SRRT: variants seen among roughly 807,000 people sequenced by gnomAD.
SRRT encodes the protein serrate, RNA effector molecule.
A neutral mutation model predicts 103.2 loss-of-function variants in SRRT; 32 were observed. The ratio of observed to expected loss-of-function variants is 0.31; its 90% CI spans 0.23 to 0.42. SRRT has a LOEUF of 0.42. Ranked by LOEUF, SRRT falls within the 10% of genes least tolerant of loss-of-function variation. SRRT has a pLI of 1.00. For missense variants in SRRT, 986 were observed against 1,207.5 expected (o/e 0.82, Z 2.72); for synonymous variants, 525 against 449.0 (o/e 1.17, Z -2.14).
intron 2 of SRRT, chr7:100,880,702 G>A (rs981833599): frequency 2.1e-5 from 9 of 432,552 alleles, no homozygotes; most frequent in Non-Finnish European, 4.2e-5. Flanking sequence ...TTAGAGACAG[G>A]GTCTCCCTCT....
At chr7:100,880,305 T>C (rs1277793156) in intron 2 of SRRT, among the ~76,000 whole-genome samples, 2 of 152,084 alleles carry the variant, frequency 1.3e-5, no homozygotes, top group Non-Finnish European at 2.9e-5. Flanking sequence ...GATTCTTTTT[T>C]CTTTTTTTGG....
chr7:100,888,325 C>T lies in SRRT; in HGVS notation c.2497C>T (p.Arg833Ter), dbSNP rs1343448557. 4.3e-6 allele frequency: 7 copies of T among 1,614,064 alleles called. No individual in the cohort carries two copies. Among genetic ancestry groups the T allele is most frequent in the East Asian group, 2.2e-5 (1 of 44,886 alleles). Residue 833 changes from arginine to a stop codon, truncating the protein, a stop_gained, in exon 19 of 20, where the codon CGA becomes TGA. Transcript: ENST00000611405. LOFTEE classifies it high-confidence loss of function. ...CCCCCATGCCCCGTATGGTGCTGGT[C>T]GAGGGAACTATGATGCCTTCCGAGG... ...PYPHAPYGAG[R>*]GNYDAFRGQG...
rs543183889 is a variant in SRRT, at chr7:100,888,227, T to C, written c.2429-30T>C. 3 of 1,601,534 alleles carry C rather than the reference T, an allele frequency of 1.9e-6. No homozygotes were observed. The East Asian group carries it at 6.7e-5, about 36-fold the overall frequency. On this transcript the variant is annotated intron_variant, in intron 18 of 19. Transcript: ENST00000611405. ...CAGAGGATGGAATTGAGGACATAGTTTTGCAACTCAACACTGATCTCTGTC... is the reference window on the plus strand; with the variant it reads ...CAGAGGATGGAATTGAGGACATAGTCTTGCAACTCAACACTGATCTCTGTC...
Position 100,876,584 on chromosome 7 carries a change from AAT to A in SRRT, c.122+877_122+878del, listed in dbSNP as rs552992350. Among the ~76,000 whole-genome samples the A allele has an allele frequency of 8.5e-4, 129 of 152,330 alleles. 1 individual carries two copies. The highest frequency in any genetic ancestry group is 2.8e-3 in the African/African-American group (118 of 41,568). On this transcript the variant is annotated intron_variant, in intron 2 of 19. Coordinates refer to ENST00000611405, the MANE Select transcript of SRRT (RefSeq NM_015908.6). ...GAGGTCGTCAGATTATTTCCCTGAC[AAT>A]ATATGATTAGGTTTCTTGTCACTGT...
At position 100,887,719 on chromosome 7, in the gene SRRT, G is replaced by A. The variant is rs747927869; in HGVS notation, c.2186G>A (p.Arg729His). The A allele has an allele frequency of 3.1e-6, 5 of 1,610,618 alleles. No homozygotes were observed. The highest frequency in any genetic ancestry group is 3.4e-6 in the Non-Finnish European group (4 of 1,177,034). Residue 729 changes from arginine (R) to histidine (H), a missense_variant, in exon 17 of 20, where the codon CGC becomes CAC. Arg to His is a conservative substitution (Grantham distance 29). Around this residue, in one of 6 missense-constraint regions of SRRT, gnomAD observed 10 missense variants for 35.1 expected, o/e 0.29. Coordinates refer to ENST00000611405, the MANE Select transcript of SRRT (RefSeq NM_015908.6). The surrounding 1 kb of genome is among the most constrained non-coding windows in gnomAD (Gnocchi z 4.1). ...GKKFKGPEFV[R>H]KHIFNKHAEK... is the part of the protein sequence containing the mutation. The stretch of plus-strand genomic sequence containing the variant: ...TCCACCCAGGGTCCTGAGTTTGTGC[G>A]CAAACATATCTTCAACAAGCATGCA...
At position 100,884,227 on chromosome 7, in the gene SRRT, A is replaced by G; in HGVS notation, c.745A>G (p.Met249Val). The G allele has an allele frequency of 6.2e-7, 1 of 1,614,062 alleles. No individual in the cohort carries two copies. Among genetic ancestry groups the G allele is most frequent in the Non-Finnish European group, 8.5e-7 (1 of 1,180,004 alleles). The change falls in exon 6 of 20, where the codon ATG becomes GTG. Residue 249 changes from methionine to valine, a missense_variant. Around this residue, in one of 6 missense-constraint regions of SRRT, gnomAD observed 274 missense variants for 358.5 expected, o/e 0.76. Coordinates refer to ENST00000611405, the MANE Select transcript of SRRT (RefSeq NM_015908.6). ...DIDKADAIVKMLDAAVIKMEG... is the reference protein window; with the variant it reads ...DIDKADAIVKVLDAAVIKMEG... ...AGACAAAGCTGATGCCATTGTCAAG[A>G]TGCTGGATGCAGGTGTGCGGATTTG... is the stretch of plus-strand genomic sequence containing the variant.
Position 100,885,079 on chromosome 7 carries a change from T to G in SRRT, c.1159+39T>G, listed in dbSNP as rs752281795. 1 of 1,612,036 alleles carries G rather than the reference T, an allele frequency of 6.2e-7. No homozygotes were observed. The highest frequency in any genetic ancestry group is 1.1e-5 in the South Asian group (1 of 91,014). ...TCTGCTTTAAAGTGCGTTCTCCTAA[T>G]GCGGGTGGGGAGGTGAGAGGTTGGC... On this transcript the variant is annotated intron_variant, in intron 9 of 19. Coordinates refer to ENST00000611405, the MANE Select transcript of SRRT (RefSeq NM_015908.6). The surrounding 1 kb of genome is among the most constrained non-coding windows in gnomAD (Gnocchi z 4.8).
chr7:100,882,027 G>A lies in SRRT; in HGVS notation c.399-26G>A. On this transcript the variant is annotated intron_variant, in intron 4 of 19. Transcript: ENST00000611405. This position sits in a 1 kb window ranked among gnomAD's most constrained non-coding sequence, Gnocchi z 4.2. ...CCTCCCACCGTTCCCCAAAAACCAAGCCTTCCTGACCGGGGTCCCCTCCAG... is the reference window on the plus strand; with the variant it reads ...CCTCCCACCGTTCCCCAAAAACCAAACCTTCCTGACCGGGGTCCCCTCCAG... 1 of 1,598,430 alleles carries A rather than the reference G, an allele frequency of 6.3e-7. No homozygotes were observed. The highest frequency in any genetic ancestry group is 1.3e-5 in the African/African-American group (1 of 74,268).
At position 100,885,735 on chromosome 7, in the gene SRRT, C is replaced by T. The variant is rs888110002; in HGVS notation, c.1352C>T (p.Ala451Val). 31 of 1,613,548 alleles carry T rather than the reference C, an allele frequency of 1.9e-5. No individual in the cohort carries two copies. Among genetic ancestry groups the T allele is most frequent in the Non-Finnish European group, 2.4e-5 (28 of 1,179,806 alleles). Residue 451 changes from alanine (A) to valine (V), a missense_variant, in exon 11 of 20, where the codon GCG becomes GTG. Physicochemically the swap from Ala to Val is moderately conservative, Grantham distance 64 (BLOSUM62 0). Transcript: ENST00000611405. The surrounding 1 kb of genome is among the most constrained non-coding windows in gnomAD (Gnocchi z 4.8). Reference sequence around the variant, plus strand: ...AGGTACCCAGGCTTTATGCGGGTGGCGCTCTCAGAGCCCCAGCCAGAGAGG... The same window carrying T: ...AGGTACCCAGGCTTTATGCGGGTGGTGCTCTCAGAGCCCCAGCCAGAGAGG... The part of the protein sequence containing the change: ...CKRYPGFMRV[A>V]LSEPQPERRF...
In SRRT at chr7:100,884,544, G is replaced by A. The variant is rs139372604; in HGVS notation, c.934G>A (p.Gly312Ser). ...TNDKDEKKED[G>S]KQAENDSSND... ...CGACAAGGATGAGAAGAAGGAAGACGGCAAGCAGGTCCGAGCCCTGGGTCT... is the reference window on the plus strand; with the variant it reads ...CGACAAGGATGAGAAGAAGGAAGACAGCAAGCAGGTCCGAGCCCTGGGTCT... The change falls in exon 7 of 20, where the codon GGC (glycine) becomes AGC (serine). Residue 312 changes from glycine to serine, a missense_variant. Coordinates refer to ENST00000611405, the MANE Select transcript of SRRT (RefSeq NM_015908.6). 13 of 1,591,186 alleles carry A rather than the reference G, an allele frequency of 8.2e-6. No individual in the cohort carries two copies. In the African/African-American group the frequency reaches 1.2e-4, roughly 15 times the overall value.
At chr7:100,875,737 G>C (rs976474069) in intron 2 of SRRT, 25 bp downstream of exon 2, 5 of 1,612,006 alleles carry the variant, frequency 3.1e-6, no homozygotes, top group Admixed American at 3.3e-5. Context: ...ACTTCATCTT[G>C]TCCCCGTTTC....
Position 100,875,786 on chromosome 7 carries a change from C to G in SRRT, c.122+74C>G, listed in dbSNP as rs1815627230. The G allele has an allele frequency of 2.5e-6, 4 of 1,582,452 alleles. No individual in the cohort carries two copies. The Admixed American group carries it at 5.1e-5, about 20-fold the overall frequency. ...CCACCCGCGTCGCTTTTCTTTCTCCCCCTTGTAATTTTTATGAGGGCGAAT... is the reference window on the plus strand; with the variant it reads ...CCACCCGCGTCGCTTTTCTTTCTCCGCCTTGTAATTTTTATGAGGGCGAAT... On this transcript the variant is annotated intron_variant, in intron 2 of 19. Coordinates refer to ENST00000611405, the MANE Select transcript of SRRT (RefSeq NM_015908.6).
At chr7:100,884,048 C>T in intron 5 of SRRT, 22 bp from the exon 6 acceptor site, 1 of 1,559,760 alleles carries the variant, frequency 6.4e-7, no homozygotes, top group Non-Finnish European at 8.6e-7. Flanking sequence ...TTTTGTCTTT[C>T]CCTCCCCCGC....
At chr7:100,881,083 T>C (rs1472792361) in intron 2 of SRRT, among the ~76,000 whole-genome samples, 1 of 150,918 alleles carries the variant, frequency 6.6e-6, no homozygotes, top group Non-Finnish European at 1.5e-5. Context: ...TCCAGCTGTA[T>C]CTTTAATTAT....
chr7:100,885,618 G>T lies in SRRT; in HGVS notation c.1318-83G>T. 1 of 1,421,172 alleles carries T rather than the reference G, an allele frequency of 7.0e-7. No individual in the cohort carries two copies. Among genetic ancestry groups the T allele is most frequent in the East Asian group, 2.5e-5 (1 of 40,482 alleles). The allele number at this position is 1,421,172 out of a possible 1,614,324, so 88.0% of individuals were successfully genotyped here. A position where few individuals can be genotyped will look rare whatever the true frequency, so the allele number is the denominator to read the frequency against. ...AGAGTGATAAGGCAGTTAGTCCCTA[G>T]GGTTCTGAGGGCAGTGGGGGATTGG... On this transcript the variant is annotated intron_variant, in intron 10 of 19. Transcript: ENST00000611405. This position sits in a 1 kb window ranked among gnomAD's most constrained non-coding sequence, Gnocchi z 4.8.
At position 100,875,614 on chromosome 7, in the gene SRRT, C is replaced by T. The variant is rs779924989; in HGVS notation, c.24C>T (p.Tyr8=). 19 of 1,614,030 alleles carry T rather than the reference C, an allele frequency of 1.2e-5. No individual in the cohort carries two copies. Among genetic ancestry groups the T allele is most frequent in the South Asian group, 2.2e-5 (2 of 91,088 alleles). ...CCATGGGTGACAGTGATGACGAGTA[C>T]GATCGAAGGCGCAGGGACAAGTTCA... MGDSDDE[Y]DRRRRDKFRR... The change falls in exon 2 of 20, where the codon TAC becomes TAT. Residue 8 remains tyrosine, a synonymous_variant. Transcript: ENST00000611405.
chr7:100,884,157 G>A lies in SRRT; in HGVS notation c.675G>A (p.Leu225=). 2 of 1,614,078 alleles carry A rather than the reference G, an allele frequency of 1.2e-6. No homozygotes were observed. Among genetic ancestry groups the A allele is most frequent in the Non-Finnish European group, 1.7e-6 (2 of 1,179,986 alleles). Residue 225 remains leucine, a synonymous_variant, in exon 6 of 20, where the codon CTG becomes CTA. Transcript: ENST00000611405. ...TGCAAAACCGACTGAGGGTCTTCCT[G>A]TCCCTCATGGAGACTGGCTGGTTTG... The part of the protein sequence containing the change: ...GALQNRLRVF[L]SLMETGWFDN...
intron 2 of SRRT, among the ~76,000 whole-genome samples, chr7:100,878,186 C>G (rs2466166): frequency 0.034 from 5,222 of 152,054 alleles, 137 homozygotes; most frequent in Non-Finnish European, 0.047. Flanking sequence ...GTGGCACATG[C>G]CTGTAGTCCC....
rs768008445 is a variant in SRRT, at chr7:100,885,337, C to T, written c.1284C>T (p.Ile428=). 5.0e-6 allele frequency: 8 copies of T among 1,613,904 alleles called. No individual in the cohort carries two copies. Among genetic ancestry groups the T allele is most frequent in the East Asian group, 4.5e-5 (2 of 44,884 alleles). ...HKTCSLFMRN[I]APNISRAEII... is the part of the protein sequence containing the mutation. ...CCTGCTCCCTCTTCATGCGCAACAT[C>T]GCGCCCAACATCTCCCGGGCCGAGA... The change falls in exon 10 of 20, where the codon ATC becomes ATT. Residue 428 remains isoleucine, a synonymous_variant. Coordinates refer to ENST00000611405, the MANE Select transcript of SRRT (RefSeq NM_015908.6). The surrounding 1 kb of genome is among the most constrained non-coding windows in gnomAD (Gnocchi z 4.8).
Sources: allele counts gnomAD v4.1 joint callset (sites outside exome capture counted in the v4.1 genomes callset), GRCh38; gene constraint gnomAD v4.1.1; regional missense constraint gnomAD v4.1.1; non-coding constraint Gnocchi (gnomAD v3.1); transcripts MANE v1.5; gene names NCBI Gene and HGNC (gene_info 2026-07-23, HGNC 2026-07-21).